The following EIF3H variants were observed in gnomAD, a reference collection of about 807,000 sequenced individuals.
The protein encoded by EIF3H is eukaryotic translation initiation factor 3 subunit H.
In EIF3H, 26 loss-of-function variants were observed where a neutral mutation model predicts 44.2. The observed-to-expected ratio is 0.59, with a 90% CI of 0.43 to 0.82. The LOEUF (loss-of-function observed/expected upper bound fraction) is 0.82. Ranked by LOEUF, EIF3H falls within the 40% of genes least tolerant of loss-of-function variation. The pLI is 0.00. For missense variants in EIF3H, 359 were observed against 432.8 expected, an observed-to-expected ratio of 0.83 and a Z score of 1.51; for synonymous variants, 166 against 151.9, an observed-to-expected ratio of 1.09 and a Z score of -0.68.
chr8:116,655,958 G>A lies in EIF3H; in HGVS notation c.605C>T (p.Pro202Leu), dbSNP rs746296103. ...CAGATGTGAATTTTTAATTACAATC[G>A]GCACTTCTTCAAACATGTACTCAAA... ...ITFEYMFEEVPIVIKNSHLIN... is the reference protein window; with the variant it reads ...ITFEYMFEEVLIVIKNSHLIN... Residue 202 changes from proline (P) to leucine (L), a missense_variant, in exon 5 of 8, where the codon CCG (proline) becomes CTG (leucine). By Grantham distance (98) the Pro-to-Leu change is moderately conservative. Transcript: ENST00000521861. 25 of 1,613,322 alleles carry A rather than the reference G, an allele frequency of 1.5e-5. No homozygotes were observed. In the Admixed American group the frequency reaches 1.8e-4, roughly 12 times the overall value.
chr8:116,673,067 G>C (rs918082563), intron 2 of EIF3H, among the ~76,000 whole-genome samples: 1 of 149,906 alleles, frequency 6.7e-6, no homozygotes, highest in Non-Finnish European at 1.5e-5. Context: ...GGACAAAGAT[G>C]ATTTGTACCT....
chr8:116,719,785 A>G (rs1042703430), intron 2 of EIF3H, among the ~76,000 whole-genome samples: 3 of 44 alleles, frequency 0.068, no homozygotes, highest in African/African-American at 0.12. Flanking sequence ...TTTCACATGT[A>G]TAAGAAAATG....
At chr8:116,671,498 T>C (rs772914523) in intron 2 of EIF3H, among the ~76,000 whole-genome samples, 2 of 152,236 alleles carry the variant, frequency 1.3e-5, no homozygotes, top group Non-Finnish European at 2.9e-5. Flanking sequence ...ACGCGTTAAA[T>C]GGCTTTCTCC....
At chr8:116,759,705 GTGTA>G (rs759779983), upstream of EIF3H, among the ~76,000 whole-genome samples, 2 of 152,086 alleles carry the variant, frequency 1.3e-5, no homozygotes, top group African/African-American at 4.8e-5. Context: ...GGGTGTGTTT[GTGTA>G]TGTGTGTGTG....
At chr8:116,654,230 G>A (rs7821132) in intron 5 of EIF3H, among the ~76,000 whole-genome samples, 138,931 of 152,050 alleles carry the variant, frequency 0.91, 63,670 homozygotes, top group African/African-American at 0.96. Context: ...CCTCATTTAC[G>A]TAAAAATACA....
At chr8:116,679,412 G>A (rs1813925844) in intron 2 of EIF3H, among the ~76,000 whole-genome samples, 1 of 63,990 alleles carries the variant, frequency 1.6e-5, no homozygotes, top group Admixed American at 1.4e-4. Flanking sequence ...GGGAGGTGGG[G>A]GGATCAGCCC....
intron 1 of EIF3H, among the ~76,000 whole-genome samples, chr8:116,751,604 A>C (rs1215969903): frequency 6.6e-6 from 1 of 152,260 alleles, no homozygotes; most frequent in Admixed American, 6.5e-5. Flanking sequence ...ATATCCAAAT[A>C]GTGACGTCAA....
intron 2 of EIF3H, among the ~76,000 whole-genome samples, chr8:116,659,605 AC>A (rs2130795893): frequency 6.6e-6 from 1 of 152,314 alleles, no homozygotes; most frequent in African/African-American, 2.4e-5. Flanking sequence ...CCTTTAAGTA[AC>A]AGATACTATG....
intron 2 of EIF3H, among the ~76,000 whole-genome samples, chr8:116,666,753 CAAAAA>C (rs56700266): frequency 2.4e-4 from 17 of 71,446 alleles, no homozygotes; most frequent in African/African-American, 8.9e-4. Context: ...TAGTGTTAGG[CAAAAA>C]AAAAAAAAAA....
intron 5 of EIF3H, 43 bp downstream of exon 5, chr8:116,655,813 A>G (rs912310614): frequency 6.3e-7 from 1 of 1,598,858 alleles, no homozygotes; most frequent in African/African-American, 1.4e-5. Flanking sequence ...TCTTTTGCAA[A>G]AAGTTCTAAA....
At position 116,665,892 on chromosome 8, in the gene EIF3H, AGAATT is replaced by A. The variant is rs1319119799; in HGVS notation, c.290-6917_290-6913del. Among the ~76,000 whole-genome samples the A allele has an allele frequency of 5.9e-5, 9 of 152,382 alleles. No homozygotes were observed. The East Asian group carries it at 1.3e-3, about 23-fold the overall frequency. On this transcript the variant is annotated intron_variant, in intron 2 of 7. Coordinates refer to ENST00000521861, the MANE Select transcript of EIF3H (RefSeq NM_003756.3). ...GCAAACAGAATGTGCATTTGAAAAA[AGAATT>A]AAATAAGAGTCTACTTTGGGTGGAA...
upstream of EIF3H, among the ~76,000 whole-genome samples, chr8:116,756,550 TTTC>T (rs1815453250): frequency 6.6e-6 from 1 of 152,214 alleles, no homozygotes; most frequent in Non-Finnish European, 1.5e-5. Flanking sequence ...GAAACATTCT[TTTC>T]TACTTCCAAA....
At chr8:116,659,904 G>A (rs935410415) in intron 2 of EIF3H, among the ~76,000 whole-genome samples, 77 of 152,022 alleles carry the variant, frequency 5.1e-4, no homozygotes, top group African/African-American at 1.8e-3. Flanking sequence ...TATTATTATT[G>A]ACACAGGGTT....
intron 2 of EIF3H, among the ~76,000 whole-genome samples, chr8:116,702,059 T>A (rs1409279345): frequency 6.6e-6 from 1 of 152,172 alleles, no homozygotes; most frequent in African/African-American, 2.4e-5. Context: ...GAGATAAGCA[T>A]ATGATCTATG....
chr8:116,709,573 A>G (rs1384997451), intron 2 of EIF3H, among the ~76,000 whole-genome samples: 4 of 152,240 alleles, frequency 2.6e-5, no homozygotes, highest in Non-Finnish European at 5.9e-5. Context: ...TACAGGTTAG[A>G]TTCTGCTAGC....
intron 2 of EIF3H, among the ~76,000 whole-genome samples, chr8:116,715,341 GAAAAA>G (rs35579703): frequency 6.8e-6 from 1 of 147,966 alleles, no homozygotes; most frequent in African/African-American, 2.5e-5. Flanking sequence ...TACTGAAAAT[GAAAAA>G]AAAACAGATA....
intron 2 of EIF3H, among the ~76,000 whole-genome samples, chr8:116,681,256 A>C (rs570896015): frequency 2.6e-5 from 4 of 152,254 alleles, no homozygotes; most frequent in African/African-American, 9.6e-5. Flanking sequence ...CTAGCTATTC[A>C]GGAGGCTGAG....
At chr8:116,746,049 A>T (rs1210622450) in intron 1 of EIF3H, among the ~76,000 whole-genome samples, 1 of 152,166 alleles carries the variant, frequency 6.6e-6, no homozygotes. Context: ...TTTCTTTACT[A>T]TTGATCCCCA....
chr8:116,704,701 T>C (rs186951710), intron 2 of EIF3H, among the ~76,000 whole-genome samples: 20 of 152,322 alleles, frequency 1.3e-4, no homozygotes, highest in Non-Finnish European at 2.6e-4. Context: ...AACAAAGGAA[T>C]AGCCCTAAAA....
Sources: gnomAD v4.1 joint callset for allele counts (sites outside exome capture counted in the v4.1 genomes callset) on GRCh38, gnomAD v4.1.1 for gene constraint, MANE v1.5 for transcripts, NCBI Gene and HGNC (gene_info 2026-07-23, HGNC 2026-07-21) for gene names.